The following SLC24A2 variants were observed in gnomAD, a reference collection of about 807,000 sequenced individuals.
SLC24A2 encodes the protein sodium/potassium/calcium exchanger 2.
A neutral mutation model predicts 62.0 loss-of-function variants in SLC24A2; 36 were observed. That is an observed-to-expected ratio of 0.58 (90% CI 0.44 to 0.77). The LOEUF is 0.77. SLC24A2 is among the 30% of genes least tolerant of loss of function. SLC24A2 has a pLI of 0.00. For missense variants in SLC24A2, 846 were observed against 817.9 expected (o/e 1.03, Z -0.42); for synonymous variants, 358 against 294.0 (o/e 1.22, Z -2.23).
At chr9:19,993,283 C>T in the SLC24A2 span, among the ~76,000 whole-genome samples, 1 of 152,138 alleles carries the variant, frequency 6.6e-6, no homozygotes, top group African/African-American at 2.4e-5. Context: ...CACATGCTAG[C>T]TTTAATAGTA....
the SLC24A2 span, among the ~76,000 whole-genome samples, chr9:20,170,302 T>C: frequency 6.6e-6 from 1 of 151,928 alleles, no homozygotes; most frequent in African/African-American, 2.4e-5. Context: ...AGCAAGGCAA[T>C]TTACTTCTGC....
the SLC24A2 span, chr9:19,895,901 G>A: frequency 1.9e-6 from 3 of 1,613,342 alleles, no homozygotes; most frequent in African/African-American, 2.7e-5. Context: ...CGCCGGGCAG[G>A]GTCAAATTCT....
At chr9:19,892,413 A>T in the SLC24A2 span, among the ~76,000 whole-genome samples, 14,150 of 152,072 alleles carry the variant, frequency 0.093, 2,025 homozygotes, top group African/African-American at 0.31. Context: ...GAGCTTCTAG[A>T]GTTTGGTTCT....
chr9:19,879,594 T>C, the SLC24A2 span, among the ~76,000 whole-genome samples: 1 of 152,110 alleles, frequency 6.6e-6, no homozygotes, highest in South Asian at 2.1e-4. Context: ...GTAATAGTAG[T>C]ATCAGAAAAT....
chr9:19,684,991 C>A (rs1351395255), intron 2 of SLC24A2, among the ~76,000 whole-genome samples: 2 of 152,046 alleles, frequency 1.3e-5, no homozygotes, highest in Admixed American at 6.6e-5. Context: ...ATAAATAACT[C>A]CAGCAAAGTT....
chr9:19,577,059 G>A (rs952860280), intron 5 of SLC24A2, 37 bp from the exon 6 acceptor site: 2 of 1,538,048 alleles, frequency 1.3e-6, no homozygotes, highest in South Asian at 1.1e-5. Context: ...GAGACACAAT[G>A]AGAAAGAAGA....
chr9:20,114,666 A>G, the SLC24A2 span, among the ~76,000 whole-genome samples: 3 of 152,158 alleles, frequency 2.0e-5, no homozygotes, highest in Admixed American at 1.3e-4. Context: ...TATAATGAGT[A>G]TCTACCATGT....
the SLC24A2 span, among the ~76,000 whole-genome samples, chr9:20,154,290 G>T: frequency 6.6e-6 from 1 of 151,806 alleles, no homozygotes; most frequent in African/African-American, 2.4e-5. Context: ...ATTGTAAGGT[G>T]ACAAATGGGG....
intron 7 of SLC24A2, among the ~76,000 whole-genome samples, chr9:19,558,559 T>C (rs952342988): frequency 6.6e-6 from 1 of 152,188 alleles, no homozygotes; most frequent in Non-Finnish European, 1.5e-5. Flanking sequence ...ACTTCTAAAA[T>C]GGATATCTGG....
upstream of SLC24A2, among the ~76,000 whole-genome samples, chr9:19,791,789 G>A (rs565724372): frequency 2.0e-5 from 3 of 152,344 alleles, no homozygotes; most frequent in Middle Eastern, 3.4e-3. Flanking sequence ...CATTTGCTAA[G>A]AGACTCAAGT....
Position 19,686,871 on chromosome 9 carries a change from T to C in SLC24A2, c.931-64572A>G, listed in dbSNP as rs560601963. Among the ~76,000 whole-genome samples the C allele has an allele frequency of 3.9e-5, 6 of 152,216 alleles. No individual in the cohort carries two copies. In the East Asian group the frequency reaches 5.8e-4, roughly 15 times the overall value. ...AACACTATTCACAACAGCAAAGACA[T>C]GGAATAAACCTAAATGCCCTTCAAC... On this transcript the variant is annotated intron_variant, in intron 2 of 10. Coordinates refer to ENST00000341998, the MANE Select transcript of SLC24A2 (RefSeq NM_020344.4).
the SLC24A2 span, chr9:19,967,349 G>C: frequency 6.6e-6 from 1 of 152,070 alleles, no homozygotes; most frequent in East Asian, 1.9e-4. Flanking sequence ...ATGTGTAAGT[G>C]AACAAACTGG....
the SLC24A2 span, among the ~76,000 whole-genome samples, chr9:20,304,485 C>A: frequency 6.6e-6 from 1 of 152,114 alleles, no homozygotes; most frequent in African/African-American, 2.4e-5. Context: ...AGACTTTTAA[C>A]AGCCAAATAA....
At chr9:20,126,342 C>T in the SLC24A2 span, among the ~76,000 whole-genome samples, 2 of 152,066 alleles carry the variant, frequency 1.3e-5, no homozygotes, top group Non-Finnish European at 2.9e-5. Context: ...CATTTTTCTA[C>T]TAGGTTATTC....
chr9:20,081,805 T>C, the SLC24A2 span, among the ~76,000 whole-genome samples: 1 of 152,100 alleles, frequency 6.6e-6, no homozygotes, highest in Non-Finnish European at 1.5e-5. Flanking sequence ...CAGATATCAT[T>C]GGGTGGGGAT....
chr9:20,151,861 C>T, the SLC24A2 span, among the ~76,000 whole-genome samples: 1 of 151,732 alleles, frequency 6.6e-6, no homozygotes, highest in East Asian at 1.9e-4. Flanking sequence ...ATCTCACCTC[C>T]AATAAGTTGT....
At chr9:19,815,873 A>T in the SLC24A2 span, among the ~76,000 whole-genome samples, 1 of 151,844 alleles carries the variant, frequency 6.6e-6, no homozygotes, top group Non-Finnish European at 1.5e-5. Flanking sequence ...ATTGTAGCCC[A>T]TGTAATGGGT....
intron 2 of SLC24A2, among the ~76,000 whole-genome samples, chr9:19,710,186 G>A (rs1457225600): frequency 1.3e-5 from 2 of 152,084 alleles, no homozygotes; most frequent in Admixed American, 6.5e-5. Context: ...AAATTTTTTT[G>A]ACTGATTAAT....
At chr9:19,731,516 C>CGT (rs71496830) in intron 2 of SLC24A2, among the ~76,000 whole-genome samples, 2,375 of 113,790 alleles carry the variant, frequency 0.021, 27 homozygotes, top group South Asian at 0.08. Context: ...TCTCTCTCTC[C>CGT]GTGTGTGTGT....
Sources: allele counts gnomAD v4.1 joint callset (sites outside exome capture counted in the v4.1 genomes callset), GRCh38; gene constraint gnomAD v4.1.1; transcripts MANE v1.5; gene names NCBI Gene and HGNC (gene_info 2026-07-23, HGNC 2026-07-21).